The following CDC14B variants were observed in gnomAD, a reference collection of about 807,000 sequenced individuals.
CDC14B encodes dual specificity protein phosphatase CDC14B.
A neutral mutation model predicts 64.2 loss-of-function variants in CDC14B; 22 were observed. The ratio of observed to expected loss-of-function variants is 0.34; its 90% CI spans 0.24 to 0.49. The LOEUF is 0.49. CDC14B is among the 20% of genes least tolerant of loss of function. The pLI, the probability that CDC14B is intolerant of heterozygous loss-of-function variation, is 0.99. For missense variants in CDC14B, 498 were observed against 629.9 expected, an observed-to-expected ratio of 0.79 and a Z score of 2.24; for synonymous variants, 191 against 215.8, an observed-to-expected ratio of 0.89 and a Z score of 1.01.
Position 96,541,904 on chromosome 9 carries a change from G to C in CDC14B, c.498-12C>G, listed in dbSNP as rs1587886386. 6.3e-7 allele frequency: 1 copy of C among 1,595,170 alleles called. No homozygotes were observed. The highest frequency in any genetic ancestry group is 1.3e-5 in the African/African-American group (1 of 74,630). On this transcript the variant is annotated splice_polypyrimidine_tract_variant and intron_variant, in intron 5 of 13. Transcript: ENST00000375241. Reference sequence around the variant, plus strand: ...CATAGGCAGCATCTCTGAAACCCAAGAGTAATAAAATGTAGATCAGTTAAT... The same window carrying C: ...CATAGGCAGCATCTCTGAAACCCAACAGTAATAAAATGTAGATCAGTTAAT...
At chr9:96,499,371 G>A (rs1833382891), downstream of CDC14B, among the ~76,000 whole-genome samples, 1 of 152,210 alleles carries the variant, frequency 6.6e-6, no homozygotes, top group African/African-American at 2.4e-5. Context: ...CTGAGCCCTT[G>A]GGGTCCTGCC....
intron 9 of CDC14B, among the ~76,000 whole-genome samples, chr9:96,525,266 C>G (rs1444149057): frequency 2.0e-5 from 3 of 152,078 alleles, no homozygotes; most frequent in African/African-American, 7.2e-5. Flanking sequence ...ATTATACCAG[C>G]AGAGACACTG....
chr9:96,619,284 C>T lies in CDC14B; in HGVS notation c.95G>A (p.Arg32His). Reference protein sequence around the residue: ...SSTSPGVKKIRSSTQQDPRRR... With the variant: ...SSTSPGVKKIHSSTQQDPRRR... ...GCGCGGGTCTTGCTGCGTGGAGCTG[C>T]GGATCTTCTTCACACCCGGCGAGGT... Residue 32 changes from arginine to histidine, a missense_variant, in exon 1 of 14, where the codon CGC (arginine) becomes CAC (histidine). Physicochemically the swap from Arg to His is conservative, Grantham distance 29 (BLOSUM62 0). Transcript: ENST00000375241. 3.0e-6 allele frequency: 4 copies of T among 1,352,162 alleles called. No individual in the cohort carries two copies. Among genetic ancestry groups the T allele is most frequent in the Non-Finnish European group, 3.8e-6 (4 of 1,047,306 alleles). The allele number at this position is 1,352,162 out of a possible 1,614,324, so 83.8% of individuals were successfully genotyped here.
intron 1 of CDC14B, among the ~76,000 whole-genome samples, chr9:96,569,096 G>C (rs1207618257): frequency 6.6e-6 from 1 of 152,178 alleles, no homozygotes; most frequent in African/African-American, 2.4e-5. Context: ...TTCATAGTCG[G>C]TGTCTAGAAA....
Position 96,536,338 on chromosome 9 carries a change from A to G in CDC14B, c.628-1796T>C, listed in dbSNP as rs529896741. On this transcript the variant is annotated intron_variant, in intron 7 of 13. Coordinates refer to ENST00000375241, the MANE Select transcript of CDC14B (RefSeq NM_033331.4). ...CTATATTATTCATTAATAGCACACA[A>G]AGGCATCACTACAAAAGGAACAAAT... Among the ~76,000 whole-genome samples, 5 of 152,344 alleles carry G rather than the reference A, an allele frequency of 3.3e-5. No individual in the cohort carries two copies. In the South Asian group the frequency reaches 1.0e-3, roughly 32 times the overall value.
At chr9:96,596,991 T>C (rs959037832) in intron 1 of CDC14B, among the ~76,000 whole-genome samples, 3 of 152,172 alleles carry the variant, frequency 2.0e-5, no homozygotes, top group African/African-American at 4.8e-5. Flanking sequence ...GAGAGCTTTC[T>C]AAACTGATGA....
intron 13 of CDC14B, among the ~76,000 whole-genome samples, chr9:96,505,005 CT>C (rs1279840284): frequency 6.6e-6 from 1 of 152,134 alleles, no homozygotes; most frequent in African/African-American, 2.4e-5. Context: ...GAAACCTCAT[CT>C]CTACTAAAAA....
At chr9:96,569,728 G>A (rs559951692) in intron 1 of CDC14B, among the ~76,000 whole-genome samples, 112 of 152,112 alleles carry the variant, frequency 7.4e-4, no homozygotes, top group Non-Finnish European at 1.2e-3. Context: ...AGGCTCAAGC[G>A]ATTCTCCTGC....
At chr9:96,614,800 C>T (rs1382603417) in intron 1 of CDC14B, among the ~76,000 whole-genome samples, 2 of 152,084 alleles carry the variant, frequency 1.3e-5, no homozygotes, top group Admixed American at 1.3e-4. Flanking sequence ...TGATCTGTAC[C>T]CAGCATCTTT....
At chr9:96,524,961 ATTGACAACC>A (rs1837337868) in intron 9 of CDC14B, among the ~76,000 whole-genome samples, 1 of 152,204 alleles carries the variant, frequency 6.6e-6, no homozygotes, top group South Asian at 2.1e-4. Flanking sequence ...TGGCTTTGTG[ATTGACAACC>A]TTGCATATTT....
At chr9:96,554,270 T>C (rs563906115) in intron 4 of CDC14B, among the ~76,000 whole-genome samples, 88 of 152,324 alleles carry the variant, frequency 5.8e-4, no homozygotes, top group Non-Finnish European at 8.7e-4. Flanking sequence ...CTGATTCATC[T>C]GTGTACTAAA....
chr9:96,602,263 A>G (rs1185155523), intron 1 of CDC14B, among the ~76,000 whole-genome samples: 2 of 152,146 alleles, frequency 1.3e-5, no homozygotes. Context: ...AGCAATACTG[A>G]GAAGATGCTG....
chr9:96,494,052 C>T (rs906530525), intron 13 of CDC14B, among the ~76,000 whole-genome samples: 1 of 152,226 alleles, frequency 6.6e-6, no homozygotes, highest in Admixed American at 6.5e-5. Context: ...AGCCTGGTTA[C>T]TGAAGGAGCA....
rs149256206 is a variant in CDC14B at position 96,579,488 on chromosome 9, A to C, written c.161-14005T>G. Among the ~76,000 whole-genome samples, 1,473 of 152,050 alleles carry C rather than the reference A, an allele frequency of 9.7e-3. 13 individuals carry two copies. Among genetic ancestry groups the C allele is most frequent in the Middle Eastern group, 0.014 (4 of 294 alleles). On this transcript the variant is annotated intron_variant, in intron 1 of 13. Transcript: ENST00000375241. ...GTAATCCCAGCTACTCAGGAGGCTG[A>C]GGCAGGAGAACGGCCTGAACCCGGG...
At chr9:96,537,633 A>AG (rs1839465763) in intron 7 of CDC14B, among the ~76,000 whole-genome samples, 1 of 152,246 alleles carries the variant, frequency 6.6e-6, no homozygotes, top group African/African-American at 2.4e-5. Flanking sequence ...ACTAACTTCA[A>AG]GTCCAATTTC....
intron 9 of CDC14B, among the ~76,000 whole-genome samples, chr9:96,533,077 G>A (rs16911107): frequency 0.018 from 2,726 of 151,944 alleles, 38 homozygotes; most frequent in Non-Finnish European, 0.026. Flanking sequence ...AGTGATTTTT[G>A]TGCCTCAGCC....
Position 96,619,639 on chromosome 9 carries a change from C to A in CDC14B, c.-261G>T, listed in dbSNP as rs1205431968. On this transcript the variant is annotated 5_prime_UTR_variant, in exon 1 of 14. Coordinates refer to ENST00000375241, the MANE Select transcript of CDC14B (RefSeq NM_033331.4). ...CAGCCCTCGCTACAGCGCCTCCTGC[C>A]GCGGCCGGCGCCCCCAGCCCGCCCC... The A allele has an allele frequency of 6.8e-6, 1 of 147,250 alleles. No individual in the cohort carries two copies. The highest frequency in any genetic ancestry group is 1.5e-5 in the Non-Finnish European group (1 of 66,256). 9.1% of individuals were successfully genotyped at this position (147,250 alleles called of 1,614,324 possible).
At chr9:96,571,731 G>A (rs1386168991) in intron 1 of CDC14B, among the ~76,000 whole-genome samples, 1 of 152,130 alleles carries the variant, frequency 6.6e-6, no homozygotes, top group Non-Finnish European at 1.5e-5. Context: ...GCTGGGCGCT[G>A]TGGACCTCAG....
intron 1 of CDC14B, among the ~76,000 whole-genome samples, chr9:96,568,713 C>T (rs554091525): frequency 5.9e-5 from 9 of 152,000 alleles, no homozygotes; most frequent in Admixed American, 1.3e-4. Context: ...GTCAGGAGTT[C>T]GAGACTAGCC....
Sources: gnomAD v4.1 joint callset for allele counts (sites outside exome capture counted in the v4.1 genomes callset) on GRCh38, gnomAD v4.1.1 for gene constraint, MANE v1.5 for transcripts, NCBI Gene and HGNC (gene_info 2026-07-23, HGNC 2026-07-21) for gene names.